The following BBS4 variants were observed in gnomAD, a reference collection of about 807,000 sequenced individuals.
BBS4 encodes the protein BBSome complex member BBS4.
BBS4 carries 58 observed loss-of-function variants against 71.4 expected under a neutral mutation model. The observed-to-expected ratio is 0.81, with a 90% CI of 0.66 to 1.01. The LOEUF (loss-of-function observed/expected upper bound fraction) is 1.01, where lower values mean the gene tolerates loss of function less well. BBS4 is among the 50% of genes least tolerant of loss of function. The pLI is 0.00. For missense variants in BBS4, 660 were observed against 607.9 expected (o/e 1.09, Z -0.90); for synonymous variants, 228 against 216.8 (o/e 1.05, Z -0.46).
intron 8 of BBS4, among the ~76,000 whole-genome samples, chr15:72,726,863 A>T (rs747856255): frequency 1.2e-4 from 18 of 152,226 alleles, no homozygotes; most frequent in Admixed American, 5.2e-4. Context: ...TCTTCCAGTA[A>T]CTGATCAAGG....
chr15:72,706,347 A>G (rs1433076391), intron 2 of BBS4, among the ~76,000 whole-genome samples: 2 of 152,084 alleles, frequency 1.3e-5, no homozygotes, highest in Non-Finnish European at 2.9e-5. Context: ...TGTGTTAGCC[A>G]GGATTGTTTC....
chr15:72,706,345 C>G (rs560830490), intron 2 of BBS4, among the ~76,000 whole-genome samples: 8 of 152,146 alleles, frequency 5.3e-5, no homozygotes, highest in African/African-American at 1.9e-4. Context: ...ATTGTGTTAG[C>G]CAGGATTGTT....
intron 13 of BBS4, chr15:72,735,474 C>A: frequency 1.9e-6 from 1 of 521,406 alleles, no homozygotes; most frequent in Non-Finnish European, 3.5e-6. Context: ...GCTGGAATAT[C>A]AGATGGGACT....
Position 72,725,799 on chromosome 15 carries a change from CCCCA to C in BBS4, c.587+1145_587+1148del, listed in dbSNP as rs1335260051. Among the ~76,000 whole-genome samples the C allele has an allele frequency of 3.8e-4, 10 of 26,014 alleles. 1 individual carries two copies. Among genetic ancestry groups the C allele is most frequent in the South Asian group, 5.5e-3 (2 of 366 alleles). 17.1% of individuals were successfully genotyped at this position (26,014 alleles called of 152,430 possible). ...TCTTCCCCTTCCTCCTTCCCTCTTC[CCCCA>C]TCCCCCTTCCCCCATCCCCCTTTCC... On this transcript the variant is annotated intron_variant, in intron 8 of 15. Coordinates refer to ENST00000268057, the MANE Select transcript of BBS4 (RefSeq NM_033028.5).
chr15:72,737,618 T>C lies in BBS4; in HGVS notation c.*31T>C. Reference sequence around the variant, plus strand: ...GAATGAATGACCCCAAAATAGGGTTTTCTTGGGCGAGGATGTGCTGGATTA... The same window carrying C: ...GAATGAATGACCCCAAAATAGGGTTCTCTTGGGCGAGGATGTGCTGGATTA... On this transcript the variant is annotated 3_prime_UTR_variant, in exon 16 of 16. Coordinates refer to ENST00000268057, the MANE Select transcript of BBS4 (RefSeq NM_033028.5). The C allele has an allele frequency of 6.5e-7, 1 of 1,530,876 alleles. No homozygotes were observed. Among genetic ancestry groups the C allele is most frequent in the Non-Finnish European group, 8.9e-7 (1 of 1,121,490 alleles). 94.8% of individuals were successfully genotyped at this position (1,530,876 alleles called of 1,614,324 possible). A position where few individuals can be genotyped will look rare whatever the true frequency, so the allele number is the denominator to read the frequency against.
chr15:72,708,086 C>T (rs909502072), intron 2 of BBS4, among the ~76,000 whole-genome samples: 2 of 152,070 alleles, frequency 1.3e-5, no homozygotes, highest in Non-Finnish European at 2.9e-5. Context: ...CCTGCCTCAG[C>T]CTCCCAAGTA....
chr15:72,713,175 TTTTTA>T (rs975165384), intron 4 of BBS4, among the ~76,000 whole-genome samples: 15 of 151,252 alleles, frequency 9.9e-5, no homozygotes, highest in African/African-American at 3.0e-4. Context: ...TTCTTAAAAC[TTTTTA>T]TTTTTTTACT....
In BBS4 at chr15:72,686,237, G is replaced by A. The variant is rs1336636537; in HGVS notation, c.10G>A (p.Glu4Lys). The A allele has an allele frequency of 1.3e-6, 2 of 1,566,072 alleles. No individual in the cohort carries two copies. The highest frequency in any genetic ancestry group is 2.0e-4 in the Middle Eastern group (1 of 4,930). The change falls in exon 1 of 16, where the codon GAG becomes AAG. Residue 4 changes from glutamate to lysine, a missense_variant. Coordinates refer to ENST00000268057, the MANE Select transcript of BBS4 (RefSeq NM_033028.5). Reference protein sequence around the residue: MAEERVATRTQFPV... With the variant: MAEKRVATRTQFPV... Reference sequence around the variant, plus strand: ...GGTGGGCTGAGCTAAAATGGCTGAGGAGAGAGTCGCGACGGTGAGCGCCGA... The same window carrying A: ...GGTGGGCTGAGCTAAAATGGCTGAGAAGAGAGTCGCGACGGTGAGCGCCGA...
intron 5 of BBS4, among the ~76,000 whole-genome samples, chr15:72,716,529 A>G (rs2065470980): frequency 6.6e-6 from 1 of 152,202 alleles, no homozygotes; most frequent in South Asian, 2.1e-4. Context: ...GAAAAATTCC[A>G]CAAGACTCTC....
intron 6 of BBS4, among the ~76,000 whole-genome samples, chr15:72,721,385 G>A (rs2065572955): frequency 6.6e-6 from 1 of 152,068 alleles, no homozygotes; most frequent in South Asian, 2.1e-4. Context: ...GGTGTGGATT[G>A]GATGGTTGTT....
chr15:72,710,621 G>A (rs2065352128), intron 3 of BBS4, among the ~76,000 whole-genome samples: 1 of 151,992 alleles, frequency 6.6e-6, no homozygotes, highest in South Asian at 2.1e-4. Context: ...TTACAAACTT[G>A]CAGGCAGACA....
At chr15:72,702,692 A>T (rs1490545910) in intron 2 of BBS4, among the ~76,000 whole-genome samples, 8 of 150,472 alleles carry the variant, frequency 5.3e-5, no homozygotes, top group Admixed American at 5.3e-4. Context: ...TTCCTTCATC[A>T]TCATTTATGT....
intron 6 of BBS4, among the ~76,000 whole-genome samples, chr15:72,721,277 T>G (rs1354319556): frequency 6.6e-6 from 1 of 152,206 alleles, no homozygotes; most frequent in Non-Finnish European, 1.5e-5. Context: ...TGTGGGTAGT[T>G]TAAGAAAAAG....
chr15:72,733,467 G>A (rs796133858), intron 12 of BBS4, among the ~76,000 whole-genome samples: 4 of 152,164 alleles, frequency 2.6e-5, no homozygotes, highest in African/African-American at 9.6e-5. Context: ...TCCAGTGTCT[G>A]TTTCCCTCTG....
intron 2 of BBS4, among the ~76,000 whole-genome samples, chr15:72,705,634 C>T (rs1278123826): frequency 7.4e-6 from 1 of 134,328 alleles, no homozygotes; most frequent in Non-Finnish European, 1.6e-5. Context: ...ACTCTGTCAC[C>T]CAGGTTGGAG....
At chr15:72,722,143 A>G (rs1262813526) in intron 6 of BBS4, among the ~76,000 whole-genome samples, 2 of 152,334 alleles carry the variant, frequency 1.3e-5, no homozygotes, top group Non-Finnish European at 2.9e-5. Flanking sequence ...CTGTGTTCCA[A>G]TGAATCTGTA....
intron 12 of BBS4, among the ~76,000 whole-genome samples, chr15:72,734,833 G>C (rs1007185125): frequency 6.6e-6 from 1 of 152,184 alleles, no homozygotes; most frequent in Non-Finnish European, 1.5e-5. Context: ...AATGGAGGCA[G>C]GTGGGGACTT....
At chr15:72,719,749 CT>C (rs200252138) in intron 6 of BBS4, among the ~76,000 whole-genome samples, 3 of 43,288 alleles carry the variant, frequency 6.9e-5, no homozygotes, top group Admixed American at 1.8e-4. Context: ...AACAGCCATT[CT>C]TTTTTTTTTT....
At chr15:72,728,305 C>G (rs2065741291) in intron 9 of BBS4, among the ~76,000 whole-genome samples, 1 of 151,978 alleles carries the variant, frequency 6.6e-6, no homozygotes, top group African/African-American at 2.4e-5. Flanking sequence ...GGAGACCAGC[C>G]TGGGTAACAT....
Sources: allele counts gnomAD v4.1 joint callset (sites outside exome capture counted in the v4.1 genomes callset), GRCh38; gene constraint gnomAD v4.1.1; transcripts MANE v1.5; gene names NCBI Gene and HGNC (gene_info 2026-07-23, HGNC 2026-07-21).